ZNF599: variants seen among roughly 807,000 people sequenced by gnomAD.
ZNF599 encodes zinc finger protein 599.
In ZNF599, 10 loss-of-function variants were observed where a neutral mutation model predicts 11.7. That is an observed-to-expected ratio of 0.86 (90% CI 0.53 to 1.45). The LOEUF (loss-of-function observed/expected upper bound fraction) is 1.45, where lower values mean the gene tolerates loss of function less well. Among genes scored for constraint, ZNF599 ranks in the 40% most tolerant of loss-of-function variants. ZNF599 has a pLI of 0.00. For missense variants in ZNF599, 688 were observed against 713.6 expected (o/e 0.96, Z 0.41); for synonymous variants, 232 against 253.2 (o/e 0.92, Z 0.79).
chr19:34,791,285 T>G, the ZNF599 span, among the ~76,000 whole-genome samples: 2 of 152,218 alleles, frequency 1.3e-5, no homozygotes, highest in African/African-American at 4.8e-5. Context: ...GCATGACTTC[T>G]CTTTCTCATT....
rs1335411664 is a variant in ZNF599 at position 34,760,111 on chromosome 19, A to G, written c.690T>C (p.Asn230=). The change falls in exon 4 of 4, where the codon AAT becomes AAC. Residue 230 remains asparagine, a synonymous_variant. Transcript: ENST00000329285. ...TATAACGACAGGCTTTCCCACACTCATTGCACTCATAGGGCTTCACTCCAG... is the reference window on the plus strand; with the variant it reads ...TATAACGACAGGCTTTCCCACACTCGTTGCACTCATAGGGCTTCACTCCAG... ...IHAGVKPYEC[N]ECGKACRYMA... 4 of 1,614,032 alleles carry G rather than the reference A, an allele frequency of 2.5e-6. No individual in the cohort carries two copies. The highest frequency in any genetic ancestry group is 3.4e-6 in the Non-Finnish European group (4 of 1,179,990).
chr19:34,780,796 A>G, the ZNF599 span, among the ~76,000 whole-genome samples: 1 of 151,326 alleles, frequency 6.6e-6, no homozygotes, highest in Admixed American at 6.6e-5. Flanking sequence ...AGGGAGAGAA[A>G]GAGAGGAAAG....
chr19:34,760,714 T>C (rs1162908833), intron 3 of ZNF599, among the ~76,000 whole-genome samples, 155 bp from the exon 4 acceptor site: 1 of 152,222 alleles, frequency 6.6e-6, no homozygotes, highest in Non-Finnish European at 1.5e-5. Context: ...ATTTCTTTCC[T>C]AATGCTTGGA....
the ZNF599 span, among the ~76,000 whole-genome samples, chr19:34,782,677 G>A: frequency 2.2e-4 from 34 of 152,236 alleles, 1 homozygote; most frequent in Non-Finnish European, 3.7e-4. Context: ...GGACAGAGCC[G>A]CCTCTGGGGC....
At chr19:34,778,582 A>G in the ZNF599 span, among the ~76,000 whole-genome samples, 1 of 152,206 alleles carries the variant, frequency 6.6e-6, no homozygotes, top group African/African-American at 2.4e-5. Context: ...GGCAAACACT[A>G]CAAGTCAGAA....
At chr19:34,777,283 A>T (rs528673040), upstream of ZNF599, among the ~76,000 whole-genome samples, 18 of 114,792 alleles carry the variant, frequency 1.6e-4, 1 homozygote, top group East Asian at 3.0e-3. Flanking sequence ...CAAATATTTT[A>T]AAAATTGATC....
chr19:34,790,739 A>G, the ZNF599 span, among the ~76,000 whole-genome samples: 1 of 152,192 alleles, frequency 6.6e-6, no homozygotes, highest in Non-Finnish European at 1.5e-5. Context: ...TAAAATTGCT[A>G]AAATAGTAGA....
At chr19:34,774,817 T>C (rs528062908), upstream of ZNF599, among the ~76,000 whole-genome samples, 2 of 152,340 alleles carry the variant, frequency 1.3e-5, no homozygotes, top group East Asian at 1.9e-4. Context: ...TGATATGTTA[T>C]GCATCTAGTC....
Position 34,759,547 on chromosome 19 carries a change from G to A in ZNF599, c.1254C>T (p.Thr418=), listed in dbSNP as rs547493229. 6.5e-5 allele frequency: 104 copies of A among 1,612,236 alleles called. 3 individuals are homozygous for A. The highest frequency in any genetic ancestry group is 5.3e-4 in the South Asian group (48 of 91,006). ...CTTTGCACTCAAAGGGCTTCTCTCC[G>A]GTATGGGTCCTCTTATGTCGGATGA... is the stretch of plus-strand genomic sequence containing the variant. ...STFIRHKRTH[T]GEKPFECKEC... Residue 418 remains threonine, a synonymous_variant, in exon 4 of 4, where the codon ACC becomes ACT. Transcript: ENST00000329285.
the ZNF599 span, among the ~76,000 whole-genome samples, chr19:34,786,928 T>C: frequency 6.6e-6 from 1 of 152,170 alleles, no homozygotes; most frequent in East Asian, 1.9e-4. Flanking sequence ...TGTACTAACA[T>C]TAAAGACTGT....
At chr19:34,762,553 G>A (rs145027086) in intron 3 of ZNF599, among the ~76,000 whole-genome samples, 7 of 152,232 alleles carry the variant, frequency 4.6e-5, no homozygotes, top group Non-Finnish European at 1.0e-4. Flanking sequence ...TGGCAGCATT[G>A]TTTGTGATAA....
upstream of ZNF599, among the ~76,000 whole-genome samples, chr19:34,776,846 C>T (rs187369123): frequency 6.6e-4 from 101 of 152,318 alleles, no homozygotes; most frequent in African/African-American, 2.3e-3. Flanking sequence ...TTTATACCCA[C>T]TTTTAATTAC....
chr19:34,778,139 C>T (rs537782942), upstream of ZNF599, among the ~76,000 whole-genome samples: 2 of 151,706 alleles, frequency 1.3e-5, no homozygotes, highest in Non-Finnish European at 2.9e-5. Context: ...TTAGTGACAC[C>T]TCAATAGAGC....
In ZNF599 at chr19:34,759,920, T is replaced by C. The variant is rs2145448776; in HGVS notation, c.881A>G (p.His294Arg). 2.5e-6 allele frequency: 4 copies of C among 1,614,074 alleles called. No homozygotes were observed. The East Asian group carries it at 8.9e-5, about 36-fold the overall frequency. ...ATTATGCTGGATAAAAGAAGAGCGG[T>C]GGGTGAATGCTTTGCCACATTCTTT... ...ECKECGKAFT[H>R]RSSFIQHNMT... The change falls in exon 4 of 4, where the codon CAC becomes CGC. Residue 294 changes from histidine (H) to arginine (R), a missense_variant. By Grantham distance (29) the His-to-Arg change is conservative. Transcript: ENST00000329285.
chr19:34,759,786 A>G lies in ZNF599; in HGVS notation c.1015T>C (p.Tyr339His). ...HMRIHTGKKLYECGECGKAFT... is the reference protein window; with the variant it reads ...HMRIHTGKKLHECGECGKAFT... ...GCCTTTCCACATTCACCGCACTCATAGAGTTTCTTTCCAGTATGAATCCTC... is the reference window on the plus strand; with the variant it reads ...GCCTTTCCACATTCACCGCACTCATGGAGTTTCTTTCCAGTATGAATCCTC... Residue 339 changes from tyrosine to histidine, a missense_variant, in exon 4 of 4, where the codon TAT becomes CAT. By Grantham distance (83) the Tyr-to-His change is moderately conservative. Transcript: ENST00000329285. 2.5e-6 allele frequency: 4 copies of G among 1,577,558 alleles called. No individual in the cohort carries two copies. The highest frequency in any genetic ancestry group is 2.2e-5 in the East Asian group (1 of 44,866).
the ZNF599 span, chr19:34,788,564 C>T: frequency 6.6e-6 from 1 of 151,982 alleles, no homozygotes; most frequent in African/African-American, 2.4e-5. Context: ...GAAAATTAAC[C>T]TGCATAAAAT....
chr19:34,792,906 A>C, the ZNF599 span, among the ~76,000 whole-genome samples: 2 of 152,134 alleles, frequency 1.3e-5, no homozygotes, highest in African/African-American at 4.8e-5. Context: ...GAATCTCACA[A>C]ACAGGATACC....
upstream of ZNF599, among the ~76,000 whole-genome samples, chr19:34,776,144 G>T (rs1262920458): frequency 6.6e-6 from 1 of 152,166 alleles, no homozygotes; most frequent in African/African-American, 2.4e-5. Context: ...AAATAGGTAA[G>T]TGCTTTATTG....
upstream of ZNF599, among the ~76,000 whole-genome samples, chr19:34,775,769 A>G (rs1489210683): frequency 6.6e-6 from 1 of 152,198 alleles, no homozygotes; most frequent in Middle Eastern, 3.2e-3. Context: ...TCTAAAATCT[A>G]AGCTTTATTT....
Sources: gnomAD v4.1 joint callset for allele counts (sites outside exome capture counted in the v4.1 genomes callset) on GRCh38, gnomAD v4.1.1 for gene constraint, MANE v1.5 for transcripts, NCBI Gene and HGNC (gene_info 2026-07-23, HGNC 2026-07-21) for gene names.